IGHMBP2: variants seen among roughly 807,000 people sequenced by gnomAD.
IGHMBP2 encodes immunoglobulin mu DNA binding protein 2, also known as DNA-binding protein SMUBP-2.
In IGHMBP2, 81 loss-of-function variants were observed where a neutral mutation model predicts 96.0. The ratio of observed to expected loss-of-function variants is 0.84; its 90% CI spans 0.71 to 1.01. IGHMBP2 has a LOEUF of 1.01. Ranked by LOEUF, IGHMBP2 falls within the 50% of genes least tolerant of loss-of-function variation. The probability of loss-of-function intolerance (pLI) is 0.00; values close to 1 mark genes in which losing one functional copy is unlikely to be tolerated. For missense variants in IGHMBP2, 1,227 were observed against 1,306.3 expected, an observed-to-expected ratio of 0.94 and a Z score of 0.94; for synonymous variants, 557 against 548.9, an observed-to-expected ratio of 1.01 and a Z score of -0.21.
chr11:68,933,528 A>G (rs1859401170), intron 9 of IGHMBP2, 47 bp downstream of exon 9: 2 of 1,574,936 alleles, frequency 1.3e-6, no homozygotes, highest in African/African-American at 2.7e-5. Flanking sequence ...TGCCCTGGCT[A>G]ATCCTCTGCG....
intron 3 of IGHMBP2, 73 bp downstream of exon 3, chr11:68,908,410 C>T (rs186709308): frequency 1.5e-4 from 233 of 1,507,546 alleles, no homozygotes; most frequent in African/African-American, 1.5e-3. Context: ...ACATGCCTGT[C>T]GCACAAAAGA....
rs1309712730 is a variant in IGHMBP2, at chr11:68,906,049, C to A, written c.87-20C>A. The A allele has an allele frequency of 2.5e-6, 4 of 1,612,846 alleles. No individual in the cohort carries two copies. The South Asian group carries it at 4.4e-5, about 18-fold the overall frequency. On this transcript the variant is annotated intron_variant, in intron 1 of 14. Transcript: ENST00000255078. Reference sequence around the variant, plus strand: ...GAAACTAGTAAAAATCCTGAAGCATCAATACCGGGTGTCTTCCAGGTCCTG... The same window carrying A: ...GAAACTAGTAAAAATCCTGAAGCATAAATACCGGGTGTCTTCCAGGTCCTG...
rs1261316367 is a variant in IGHMBP2, at chr11:68,939,648, GCC to G, written c.2901_2902del (p.Gln968AlafsTer7). ...KNGSLDPAKR[A>X]QLQRRLDKKL... ...CGGATCCCTGGACCCAGCCAAGAGG[GCC>G]CAGCTGCAGAGGAGGCTGGATAAGA... is the stretch of plus-strand genomic sequence containing the variant. On this transcript the variant is annotated frameshift_variant, in exon 15 of 15. Coordinates refer to ENST00000255078, the MANE Select transcript of IGHMBP2 (RefSeq NM_002180.3). LOFTEE classifies it high-confidence loss of function. 5.6e-6 allele frequency: 9 copies of G among 1,613,470 alleles called. No individual in the cohort carries two copies. The highest frequency in any genetic ancestry group is 7.6e-6 in the Non-Finnish European group (9 of 1,179,938).
chr11:68,939,818 C>T lies in IGHMBP2; in HGVS notation c.*87C>T. On this transcript the variant is annotated 3_prime_UTR_variant, in exon 15 of 15. Coordinates refer to ENST00000255078, the MANE Select transcript of IGHMBP2 (RefSeq NM_002180.3). ...CCATGCTCCGCCTCCACCAGGGCCA[C>T]AGAGGAGCGGAGGGGCCTATGGGGG... 7.1e-7 allele frequency: 1 copy of T among 1,412,664 alleles called. No individual in the cohort carries two copies. The highest frequency in any genetic ancestry group is 1.3e-5 in the South Asian group (1 of 76,960). 87.5% of individuals were successfully genotyped at this position (1,412,664 alleles called of 1,614,324 possible). A position where few individuals can be genotyped will look rare whatever the true frequency, so the allele number is the denominator to read the frequency against.
chr11:68,937,241 C>A, intron 13 of IGHMBP2, 150 bp downstream of exon 13: 1 of 1,013,548 alleles, frequency 9.9e-7, no homozygotes, highest in Non-Finnish European at 1.5e-6. Flanking sequence ...AGTCATGCCA[C>A]TCCCAGCTCC....
chr11:68,906,302 C>A, intron 2 of IGHMBP2, 64 bp downstream of exon 2: 2 of 1,517,108 alleles, frequency 1.3e-6, no homozygotes, highest in South Asian at 1.1e-5. Flanking sequence ...GACTTGTACC[C>A]TCGTAAAGAC....
At chr11:68,906,017 G>C in intron 1 of IGHMBP2, 52 bp from the exon 2 acceptor site, 2 of 1,544,626 alleles carry the variant, frequency 1.3e-6, no homozygotes, top group Non-Finnish European at 1.8e-6. Flanking sequence ...CTGGGTGGGT[G>C]GAAGTAGAAA....
At position 68,917,842 on chromosome 11, in the gene IGHMBP2, A is replaced by C. The variant is rs1858728906; in HGVS notation, c.1019A>C (p.Glu340Ala). 1 of 1,614,066 alleles carries C rather than the reference A, an allele frequency of 6.2e-7. No homozygotes were observed. Residue 340 changes from glutamate (E) to alanine (A), a missense_variant, in exon 7 of 15, where the codon GAG (glutamate) becomes GCG (alanine). This residue lies in a region of IGHMBP2 where 507 missense variants were observed against 496.9 expected (regional missense o/e 1.02). Transcript: ENST00000255078. ...GAGAGGGAAGAAGCAGCTATGCTCG[A>C]GAGCCTCACTTCGGCAAACGTGGTC... The part of the protein sequence containing the change: ...LKEREEAAML[E>A]SLTSANVVLA...
chr11:68,930,310 T>C, intron 8 of IGHMBP2: 1 of 1,289,616 alleles, frequency 7.8e-7, no homozygotes, highest in Non-Finnish European at 1.0e-6. Flanking sequence ...TCTGTTTCAC[T>C]GTGGGTGTGT....
In IGHMBP2 at chr11:68,906,025, A is replaced by T. The variant is rs1314984842; in HGVS notation, c.87-44A>T. ...ACTTTTCCTGGGTGGGTGGAAGTAGAAACTAGTAAAAATCCTGAAGCATCA... is the reference window on the plus strand; with the variant it reads ...ACTTTTCCTGGGTGGGTGGAAGTAGTAACTAGTAAAAATCCTGAAGCATCA... On this transcript the variant is annotated intron_variant, in intron 1 of 14. Coordinates refer to ENST00000255078, the MANE Select transcript of IGHMBP2 (RefSeq NM_002180.3). The T allele has an allele frequency of 5.0e-6, 8 of 1,592,584 alleles. No individual in the cohort carries two copies. In the Admixed American group the frequency reaches 1.3e-4, roughly 27 times the overall value.
At chr11:68,937,585 G>A (rs1034772217) in intron 13 of IGHMBP2, among the ~76,000 whole-genome samples, 1 of 152,260 alleles carries the variant, frequency 6.6e-6, no homozygotes, top group Non-Finnish European at 1.5e-5. Context: ...GGTGGGCTCT[G>A]CCCCGTTTGC....
At chr11:68,917,058 G>A (rs1257154383) in intron 6 of IGHMBP2, among the ~76,000 whole-genome samples, 3 of 137,804 alleles carry the variant, frequency 2.2e-5, no homozygotes, top group African/African-American at 8.4e-5. Flanking sequence ...TCGGCTCACT[G>A]CAACCTCCGC....
In IGHMBP2 at chr11:68,915,649, A is replaced by AT. The variant is rs1315279684; in HGVS notation, c.912+633dup. 6.7e-5 allele frequency among the ~76,000 whole-genome samples: 10 copies of AT among 150,260 alleles called. No individual in the cohort carries two copies. The East Asian group carries it at 2.0e-3, about 31-fold the overall frequency. On this transcript the variant is annotated intron_variant, in intron 6 of 14. Transcript: ENST00000255078. ...AGGCATGTGCCACCACACCCAACCA[A>AT]TTTTTTTATTTTTAGTAGAGACGGG...
chr11:68,917,137 C>G lies in IGHMBP2; in HGVS notation c.913-599C>G, dbSNP rs369248146. On this transcript the variant is annotated intron_variant, in intron 6 of 14. Coordinates refer to ENST00000255078, the MANE Select transcript of IGHMBP2 (RefSeq NM_002180.3). ...CTGGGATTACAGGCACACACCATGC[C>G]CAGCTAATTTTTTGTATTTTTAGTA... Among the ~76,000 whole-genome samples, 26 of 151,842 alleles carry G rather than the reference C, an allele frequency of 1.7e-4. No homozygotes were observed. The East Asian group carries it at 3.1e-3, about 18-fold the overall frequency.
At position 68,939,606 on chromosome 11, in the gene IGHMBP2, G is replaced by T. The variant is rs775514650; in HGVS notation, c.2857G>T (p.Gly953Cys). ...CAGCCGGGAAGGGGTCCTCTATGCC[G>T]GCAGCGGGACCAAGAACGGATCCCT... Reference protein sequence around the residue: ...RISREGVLYAGSGTKNGSLDP... With the variant: ...RISREGVLYACSGTKNGSLDP... The change falls in exon 15 of 15, where the codon GGC becomes TGC. Residue 953 changes from glycine (G) to cysteine (C), a missense_variant. By Grantham distance (159) the Gly-to-Cys change is radical. Transcript: ENST00000255078. The T allele has an allele frequency of 1.2e-6, 2 of 1,613,474 alleles. No individual in the cohort carries two copies. Among genetic ancestry groups the T allele is most frequent in the Non-Finnish European group, 1.7e-6 (2 of 1,180,002 alleles).
At chr11:68,905,021 C>T (rs1566422355) in intron 1 of IGHMBP2, among the ~76,000 whole-genome samples, 1 of 152,168 alleles carries the variant, frequency 6.6e-6, no homozygotes, top group African/African-American at 2.4e-5. Flanking sequence ...TGGTCTCGAT[C>T]TCCTGACCTC....
chr11:68,908,310 A>G lies in IGHMBP2; in HGVS notation c.422A>G (p.Asn141Ser), dbSNP rs766311472. Reference protein sequence around the residue: ...ENSYRLLKLANDVTYRRLKKA... With the variant: ...ENSYRLLKLASDVTYRRLKKA... ...TCCTACAGACTGTTAAAACTTGCCA[A>G]TGATGTCACTTACAGGCGACTGAAA... The change falls in exon 3 of 15, where the codon AAT becomes AGT. Residue 141 changes from asparagine to serine, a missense_variant. Asn to Ser is a conservative substitution (Grantham distance 46). Coordinates refer to ENST00000255078, the MANE Select transcript of IGHMBP2 (RefSeq NM_002180.3). The G allele has an allele frequency of 7.4e-6, 12 of 1,614,114 alleles. No individual in the cohort carries two copies. The highest frequency in any genetic ancestry group is 1.7e-5 in the Admixed American group (1 of 60,000).
At chr11:68,928,947 A>G (rs919645532) in intron 7 of IGHMBP2, among the ~76,000 whole-genome samples, 27 of 152,348 alleles carry the variant, frequency 1.8e-4, no homozygotes, top group African/African-American at 6.5e-4. Flanking sequence ...AATTTTGCCA[A>G]TTGAAGATCA....
In IGHMBP2 at chr11:68,936,788, G is replaced by A. The variant is rs760946663; in HGVS notation, c.2308G>A (p.Asp770Asn). ...AGCCGAGGAGCACGGGCTGAGGCAC[G>A]ACAGTTCCGGGGAAGGGAAGAGGAG... Reference protein sequence around the residue: ...QIAEEHGLRHDSSGEGKRRFI... With the variant: ...QIAEEHGLRHNSSGEGKRRFI... The change falls in exon 13 of 15, where the codon GAC (aspartate) becomes AAC (asparagine). Residue 770 changes from aspartate (D) to asparagine (N), a missense_variant. This residue lies in a region of IGHMBP2 where 703 missense variants were observed against 770.3 expected (regional missense o/e 0.91). Coordinates refer to ENST00000255078, the MANE Select transcript of IGHMBP2 (RefSeq NM_002180.3). 5.6e-6 allele frequency: 9 copies of A among 1,613,944 alleles called. No homozygotes were observed. Among genetic ancestry groups the A allele is most frequent in the Non-Finnish European group, 7.6e-6 (9 of 1,180,044 alleles).
Sources: allele counts gnomAD v4.1 joint callset (sites outside exome capture counted in the v4.1 genomes callset), GRCh38; gene constraint gnomAD v4.1.1; regional missense constraint gnomAD v4.1.1; transcripts MANE v1.5; gene names NCBI Gene and HGNC (gene_info 2026-07-23, HGNC 2026-07-21).